Variants in SPMIP4 observed in about 807,000 individuals in gnomAD.
The protein encoded by SPMIP4 is sperm-associated microtubule inner protein 4.
At chr7:25,164,005 T>C in the SPMIP4 span, among the ~76,000 whole-genome samples, 36 of 152,238 alleles carry the variant, frequency 2.4e-4, no homozygotes, top group Non-Finnish European at 8.8e-5. Context: ...TGTTAGGTTT[T>C]GCCATACTTA....
the SPMIP4 span, among the ~76,000 whole-genome samples, chr7:25,140,908 C>G: frequency 6.6e-6 from 1 of 152,112 alleles, no homozygotes; most frequent in African/African-American, 2.4e-5. Flanking sequence ...TTAAAGTGTT[C>G]AAACTGAAAT....
the SPMIP4 span, among the ~76,000 whole-genome samples, chr7:25,170,735 C>A: frequency 1.2e-4 from 18 of 152,328 alleles, no homozygotes; most frequent in Admixed American, 1.1e-3. Context: ...TCTCATGCAT[C>A]TATTCTTTTG....
chr7:25,170,125 C>T, the SPMIP4 span, among the ~76,000 whole-genome samples: 12 of 152,190 alleles, frequency 7.9e-5, no homozygotes, highest in Admixed American at 5.2e-4. Flanking sequence ...CTGTTTTCTA[C>T]AGTAGCTGCT....
the SPMIP4 span, among the ~76,000 whole-genome samples, chr7:25,152,801 T>C: frequency 1.4e-5 from 2 of 146,398 alleles, no homozygotes. Context: ...TGGAGTGCAG[T>C]GGCATGATCT....
At chr7:25,145,682 G>A in the SPMIP4 span, among the ~76,000 whole-genome samples, 1 of 152,188 alleles carries the variant, frequency 6.6e-6, no homozygotes, top group South Asian at 2.1e-4. Flanking sequence ...GACATTAGTT[G>A]TTTTGAATTT....
the SPMIP4 span, among the ~76,000 whole-genome samples, chr7:25,164,432 A>G: frequency 6.6e-6 from 1 of 152,160 alleles, no homozygotes; most frequent in African/African-American, 2.4e-5. Flanking sequence ...TTGAACACCT[A>G]GTATTGTCTT....
chr7:25,149,316 G>C, the SPMIP4 span, among the ~76,000 whole-genome samples: 1 of 152,066 alleles, frequency 6.6e-6, no homozygotes, highest in Admixed American at 6.5e-5. Context: ...ATGACAAAAG[G>C]CAGGAAAAAT....
chr7:25,143,190 C>T, the SPMIP4 span, among the ~76,000 whole-genome samples: 13 of 152,156 alleles, frequency 8.5e-5, no homozygotes, highest in Admixed American at 3.3e-4. Flanking sequence ...CTTTTCCTTC[C>T]ATGCCTGAAA....
At chr7:25,167,627 T>G in the SPMIP4 span, among the ~76,000 whole-genome samples, 13 of 152,222 alleles carry the variant, frequency 8.5e-5, no homozygotes, top group African/African-American at 3.1e-4. Flanking sequence ...TCTGCCTTAA[T>G]TTATTTCTTT....
chr7:25,155,520 G>A, the SPMIP4 span, among the ~76,000 whole-genome samples: 2 of 152,168 alleles, frequency 1.3e-5, no homozygotes, highest in African/African-American at 4.8e-5. Flanking sequence ...TTTTGTGTTT[G>A]TAGAATGGTA....
the SPMIP4 span, among the ~76,000 whole-genome samples, chr7:25,141,503 C>T: frequency 4.5e-5 from 6 of 133,878 alleles, no homozygotes; most frequent in South Asian, 2.5e-4. Flanking sequence ...ACCAAGGAGG[C>T]GGAGGTTGCA....
chr7:25,125,936 A>G, the SPMIP4 span: 2 of 985,442 alleles, frequency 2.0e-6, no homozygotes, highest in Middle Eastern at 5.2e-4. Context: ...AGACTGAGGA[A>G]GGTGCTGCAT....
the SPMIP4 span, among the ~76,000 whole-genome samples, chr7:25,139,810 A>G: frequency 6.6e-6 from 1 of 152,220 alleles, no homozygotes. Flanking sequence ...TTTATTTTAC[A>G]CTACTACAAT....
the SPMIP4 span, among the ~76,000 whole-genome samples, chr7:25,126,152 G>A: frequency 3.3e-5 from 5 of 152,142 alleles, no homozygotes; most frequent in African/African-American, 1.2e-4. Flanking sequence ...ATCACCTCAA[G>A]CATTTATCCT....
At chr7:25,155,249 A>C in the SPMIP4 span, 14 of 1,443,860 alleles carry the variant, frequency 9.7e-6, no homozygotes, top group South Asian at 1.2e-4. Flanking sequence ...AGTATGGTTG[A>C]AAAAATTAAT....
the SPMIP4 span, among the ~76,000 whole-genome samples, chr7:25,155,828 T>TA: frequency 9.3e-5 from 14 of 151,306 alleles, no homozygotes; most frequent in South Asian, 2.1e-4. Context: ...TGGCAGAGGT[T>TA]AAAAAAAAAC....
At chr7:25,142,693 T>C in the SPMIP4 span, 2 of 1,613,396 alleles carry the variant, frequency 1.2e-6, no homozygotes, top group African/African-American at 1.3e-5. Flanking sequence ...AAGATTTCTT[T>C]GTATGTTGGC....
the SPMIP4 span, among the ~76,000 whole-genome samples, chr7:25,146,950 C>T: frequency 0.6 from 91,328 of 151,982 alleles, 28,552 homozygotes; most frequent in Non-Finnish European, 0.69. Flanking sequence ...AGGACAAAAG[C>T]CTTCACTTGA....
At chr7:25,172,010 T>C in the SPMIP4 span, among the ~76,000 whole-genome samples, 1 of 152,150 alleles carries the variant, frequency 6.6e-6, no homozygotes, top group Admixed American at 6.5e-5. The surrounding 1 kb of genome is among the most constrained non-coding windows in gnomAD (Gnocchi z 4.2). Flanking sequence ...TCACAAGATG[T>C]GTTCTAAAGG....
Sources: allele counts gnomAD v4.1 joint callset (sites outside exome capture counted in the v4.1 genomes callset), GRCh38; gene constraint gnomAD v4.1.1; non-coding constraint Gnocchi (gnomAD v3.1); transcripts MANE v1.5; gene names NCBI Gene and HGNC (gene_info 2026-07-23, HGNC 2026-07-21).